GAD1: variants seen among roughly 807,000 people sequenced by gnomAD.
GAD1 encodes glutamate decarboxylase 1.
Under a neutral mutation model 75.2 loss-of-function variants are expected in GAD1, and 35 were observed. That is an observed-to-expected ratio of 0.47 (90% CI 0.36 to 0.62). GAD1 has a LOEUF of 0.62. Among genes scored for constraint, GAD1 ranks in the 20% least tolerant of loss-of-function variants. GAD1 has a pLI of 0.00. For synonymous variants in GAD1, 257 were observed against 271.9 expected (o/e 0.95, Z 0.54); for missense variants, 490 against 758.5 (o/e 0.65, Z 4.16).
intron 14 of GAD1, 62 bp from the exon 15 acceptor site, chr2:170,856,956 C>T (rs1467231212): frequency 7.7e-7 from 1 of 1,290,322 alleles, no homozygotes; most frequent in Admixed American, 1.7e-5. Context: ...GACAGCATAG[C>T]CTTCCCAAAT....
rs756742703 is a variant in GAD1 at position 170,847,656 on chromosome 2, A to G, written c.1003-20A>G. On this transcript the variant is annotated intron_variant, in intron 10 of 16. Coordinates refer to ENST00000358196, the MANE Select transcript of GAD1 (RefSeq NM_000817.3). ...AAAGGTTAAAAATACTCATCAGCCT[A>G]TATCTGTCTTACCTTGTAGGGATAT... 12 of 1,465,506 alleles carry G rather than the reference A, an allele frequency of 8.2e-6. No homozygotes were observed. Among genetic ancestry groups the G allele is most frequent in the East Asian group, 6.8e-5 (3 of 44,196 alleles). The allele number at this position is 1,465,506 out of a possible 1,614,324, so 90.8% of individuals were successfully genotyped here.
intron 5 of GAD1, among the ~76,000 whole-genome samples, chr2:170,831,962 T>C (rs1486644290): frequency 6.6e-6 from 1 of 151,628 alleles, no homozygotes. Flanking sequence ...TGGGACCCTA[T>C]CTCAAAAAAA....
At chr2:170,813,920 C>T (rs937435064), upstream of GAD1, among the ~76,000 whole-genome samples, 7 of 152,168 alleles carry the variant, frequency 4.6e-5, 1 homozygote, top group African/African-American at 1.7e-4. Context: ...ATCGCCCCCT[C>T]CTTCTTCTGC....
intron 13 of GAD1, 32 bp downstream of exon 13, chr2:170,852,824 C>T (rs765143262): frequency 1.3e-6 from 2 of 1,589,060 alleles, no homozygotes; most frequent in South Asian, 2.2e-5. Context: ...ACACTGGGGC[C>T]CGTACGTTCT....
At chr2:170,819,229 G>A (rs1701799235) in intron 2 of GAD1, among the ~76,000 whole-genome samples, 1 of 151,974 alleles carries the variant, frequency 6.6e-6, no homozygotes, top group Admixed American at 6.5e-5. Flanking sequence ...AGTCAGGGGC[G>A]GGAAAGGTGC....
chr2:170,858,848 CAG>C lies in GAD1; in HGVS notation c.1567_1568del (p.Arg523GlyfsTer56). On this transcript the variant is annotated frameshift_variant, in exon 16 of 17. Transcript: ENST00000358196. LOFTEE classifies it high-confidence loss of function. Reference sequence around the variant, plus strand: ...GTTTTTGGTATATTCCACAAAGCCTCAGGGGTGTGCCAGACAGCCCTCAACGA... The same window carrying C: ...GTTTTTGGTATATTCCACAAAGCCTCGGGTGTGCCAGACAGCCCTCAACGA... ...VCFWYIPQSL[R>X]GVPDSPQRRE... The C allele has an allele frequency of 6.2e-7, 1 of 1,614,214 alleles. No homozygotes were observed. The highest frequency in any genetic ancestry group is 8.5e-7 in the Non-Finnish European group (1 of 1,180,042).
chr2:170,849,975 A>G (rs893859127), intron 12 of GAD1, among the ~76,000 whole-genome samples: 1 of 152,210 alleles, frequency 6.6e-6, no homozygotes, highest in Non-Finnish European at 1.5e-5. Context: ...TAGGCCAAAT[A>G]TGATTTTGAC....
At chr2:170,824,036 G>A (rs1432820828) in intron 3 of GAD1, among the ~76,000 whole-genome samples, 1 of 151,924 alleles carries the variant, frequency 6.6e-6, no homozygotes, top group East Asian at 1.9e-4. Context: ...CGCTGGGTCC[G>A]GAAATAGGGA....
chr2:170,836,574 T>G (rs572175423), intron 5 of GAD1, among the ~76,000 whole-genome samples: 9 of 152,312 alleles, frequency 5.9e-5, no homozygotes, highest in Non-Finnish European at 1.0e-4. Context: ...AAAAGCACGA[T>G]GCTTTAGAAA....
At position 170,842,623 on chromosome 2, in the gene GAD1, C is replaced by A. The variant is rs763167282; in HGVS notation, c.639-1422C>A. The A allele has an allele frequency of 7.4e-6, 12 of 1,614,050 alleles. 2 individuals carry two copies. The South Asian group carries it at 1.3e-4, about 18-fold the overall frequency. On this transcript the variant is annotated intron_variant, in intron 6 of 16. Coordinates refer to ENST00000358196, the MANE Select transcript of GAD1 (RefSeq NM_000817.3). The stretch of plus-strand genomic sequence containing the variant: ...TACGGTGATGGGGCTCAGAGCAGAA[C>A]CAAAGCATGATTGTGACCTCCAGAG...
At chr2:170,852,954 C>T in intron 13 of GAD1, 162 bp downstream of exon 13, 1 of 703,920 alleles carries the variant, frequency 1.4e-6, no homozygotes. Context: ...TGCAGCTAAC[C>T]TGGTTTCTTC....
rs1701767513 is a variant in GAD1, at chr2:170,818,336, G to C, written c.-63-193G>C. On this transcript the variant is annotated intron_variant, in intron 1 of 16. Transcript: ENST00000358196. The surrounding 1 kb of genome is among the most constrained non-coding windows in gnomAD (Gnocchi z 5.9). The stretch of plus-strand genomic sequence containing the variant: ...CTACGCTCCCTGCGCCCCAGTACCG[G>C]AGCTAGCGCGCACGTCTCCTCCGCT... The C allele has an allele frequency of 1.3e-5, 7 of 547,204 alleles. No individual in the cohort carries two copies. The highest frequency in any genetic ancestry group is 3.8e-5 in the African/African-American group (2 of 52,450). 33.9% of individuals were successfully genotyped at this position (547,204 alleles called of 1,614,324 possible). A position where few individuals can be genotyped will look rare whatever the true frequency, so the allele number is the denominator to read the frequency against.
chr2:170,846,029 ATT>A lies in GAD1; in HGVS notation c.971_972del (p.Phe324Ter). The A allele has an allele frequency of 1.2e-6, 2 of 1,613,724 alleles. No individual in the cohort carries two copies. The highest frequency in any genetic ancestry group is 1.7e-6 in the Non-Finnish European group (2 of 1,179,722). ...TATAGGGGGAAAATAATTCCAGCTG[ATT>A]TTGAGGCAAAAATTCTTGAAGCCAA... On this transcript the variant is annotated frameshift_variant, in exon 10 of 17. Coordinates refer to ENST00000358196, the MANE Select transcript of GAD1 (RefSeq NM_000817.3). LOFTEE classifies it high-confidence loss of function.
intron 6 of GAD1, among the ~76,000 whole-genome samples, chr2:170,843,219 C>A (rs1204347646): frequency 2.0e-5 from 3 of 152,324 alleles, no homozygotes; most frequent in Non-Finnish European, 4.4e-5. Flanking sequence ...GACTAGTCTA[C>A]CAGACTATGC....
At chr2:170,858,699 T>C (rs1321689090) in intron 15 of GAD1, 105 bp from the exon 16 acceptor site, 1 of 965,054 alleles carries the variant, frequency 1.0e-6, no homozygotes, top group Non-Finnish European at 1.6e-6. Flanking sequence ...ATTCAACCTC[T>C]TTCTTTGGTC....
intron 2 of GAD1, among the ~76,000 whole-genome samples, chr2:170,819,386 G>A (rs998493885): frequency 2.6e-5 from 4 of 152,166 alleles, no homozygotes; most frequent in South Asian, 4.2e-4. Context: ...TTATCATAGA[G>A]AGGAGAGAGC....
intron 6 of GAD1, among the ~76,000 whole-genome samples, chr2:170,843,255 A>G (rs369002966): frequency 1.3e-5 from 2 of 152,362 alleles, no homozygotes; most frequent in South Asian, 4.1e-4. Context: ...CTTTGAAAAG[A>G]GCATGGCTTG....
chr2:170,821,041 C>T (rs1399263511), intron 2 of GAD1, among the ~76,000 whole-genome samples: 1 of 152,230 alleles, frequency 6.6e-6, no homozygotes, highest in Non-Finnish European at 1.5e-5. Flanking sequence ...GTTTCTTCTC[C>T]CCGCTGGGGC....
At chr2:170,822,993 T>A (rs1354508794) in intron 3 of GAD1, among the ~76,000 whole-genome samples, 2 of 152,198 alleles carry the variant, frequency 1.3e-5, no homozygotes, top group Non-Finnish European at 2.9e-5. Context: ...GTAATTTTTT[T>A]AAAGGAAAAA....
Sources: allele counts gnomAD v4.1 joint callset (sites outside exome capture counted in the v4.1 genomes callset), GRCh38; gene constraint gnomAD v4.1.1; non-coding constraint Gnocchi (gnomAD v3.1); transcripts MANE v1.5; gene names NCBI Gene and HGNC (gene_info 2026-07-23, HGNC 2026-07-21).